Variants in INPP5D observed in about 807,000 individuals in gnomAD.
The protein encoded by INPP5D is inositol polyphosphate-5-phosphatase D.
INPP5D carries 33 observed loss-of-function variants against 122.9 expected under a neutral mutation model. The observed-to-expected ratio is 0.27, with a 90% CI of 0.20 to 0.36. INPP5D has a LOEUF of 0.36. Among genes scored for constraint, INPP5D ranks in the 10% least tolerant of loss-of-function variants. The pLI, the probability that INPP5D is intolerant of heterozygous loss-of-function variation, is 1.00. For synonymous variants in INPP5D, 584 were observed against 576.2 expected, an observed-to-expected ratio of 1.01 and a Z score of -0.19; for missense variants, 1,053 against 1,412.7, an observed-to-expected ratio of 0.75 and a Z score of 4.08.
At chr2:233,086,128 T>TCTTTCTTTCTTTCTTC (rs1691829565) in intron 2 of INPP5D, among the ~76,000 whole-genome samples, 1 of 95,386 alleles carries the variant, frequency 1.0e-5, no homozygotes, top group Admixed American at 1.1e-4. Context: ...CCTCTTTCTT[T>TCTTTCTTTCTTTCTTC]CTTTCTTTCT....
intron 1 of INPP5D, among the ~76,000 whole-genome samples, chr2:233,079,099 C>A (rs1176587270): frequency 6.6e-6 from 1 of 152,056 alleles, no homozygotes; most frequent in Non-Finnish European, 1.5e-5. Flanking sequence ...TAAATGACCC[C>A]CCCCAACCTT....
intron 9 of INPP5D, among the ~76,000 whole-genome samples, chr2:233,152,199 C>T (rs141161975): frequency 0.088 from 13,231 of 151,200 alleles, 837 homozygotes; most frequent in Admixed American, 0.2. Context: ...GTCCTTAGTG[C>T]GGAGTCTGGC....
At chr2:233,201,940 A>G (rs1695351322) in intron 25 of INPP5D, among the ~76,000 whole-genome samples, 2 of 152,170 alleles carry the variant, frequency 1.3e-5, no homozygotes, top group East Asian at 3.9e-4. Flanking sequence ...GGTCAGGGGA[A>G]TAAGACTTAC....
rs1158241194 is a variant in INPP5D, at chr2:233,198,118, G to A, written c.2717G>A (p.Ser906Asn). Residue 906 changes from serine (S) to asparagine (N), a missense_variant, in exon 25 of 27, where the codon AGC becomes AAC. Physicochemically the swap from Ser to Asn is conservative, Grantham distance 46. Transcript: ENST00000445964. ...AGGGCCCCTCCGTGCAGTGGCTCCAGCATCACTGAAATCATCAACCCCAAC... is the reference window on the plus strand; with the variant it reads ...AGGGCCCCTCCGTGCAGTGGCTCCAACATCACTGAAATCATCAACCCCAAC... ...TSRAPPCSGS[S>N]ITEIINPNYM... 1.2e-6 allele frequency: 2 copies of A among 1,610,104 alleles called. No individual in the cohort carries two copies. The highest frequency in any genetic ancestry group is 1.7e-6 in the Non-Finnish European group (2 of 1,177,854).
In INPP5D at chr2:233,147,236, A is replaced by G. The variant is rs150088883; in HGVS notation, c.907-235A>G. Among the ~76,000 whole-genome samples the G allele has an allele frequency of 2.5e-3, 385 of 152,352 alleles. 4 individuals are homozygous for G. Among genetic ancestry groups the G allele is most frequent in the African/African-American group, 8.7e-3 (360 of 41,580 alleles). On this transcript the variant is annotated intron_variant, in intron 8 of 26. Coordinates refer to ENST00000445964, the MANE Select transcript of INPP5D (RefSeq NM_001017915.3). The stretch of plus-strand genomic sequence containing the variant: ...TGTTTCCGCCAGCAAACCTGTTGGC[A>G]GAACGGCTCCCCCACACACAGTGGA...
intron 1 of INPP5D, among the ~76,000 whole-genome samples, chr2:233,068,285 CA>C (rs60089777): frequency 0.66 from 83,329 of 127,062 alleles, 28,683 homozygotes; most frequent in Non-Finnish European, 0.79. Flanking sequence ...AACTCTGTCT[CA>C]AAAAAAAAAA....
At chr2:233,179,318 A>G (rs1327038261) in intron 18 of INPP5D, among the ~76,000 whole-genome samples, 1 of 152,170 alleles carries the variant, frequency 6.6e-6, no homozygotes, top group African/African-American at 2.4e-5. Context: ...AACCCTGTCA[A>G]TACTGTCCTT....
intron 9 of INPP5D, among the ~76,000 whole-genome samples, chr2:233,157,206 A>T (rs1694077523): frequency 6.6e-6 from 1 of 152,214 alleles, no homozygotes; most frequent in African/African-American, 2.4e-5. Context: ...AACCAAGAAG[A>T]GGAAGACCTG....
Position 233,144,062 on chromosome 2 carries a change from TG to T in INPP5D, c.754-2098del, listed in dbSNP as rs1303148215. 8.8e-5 allele frequency among the ~76,000 whole-genome samples: 12 copies of T among 136,522 alleles called. No individual in the cohort carries two copies. In the East Asian group the frequency reaches 1.4e-3, roughly 16 times the overall value. The allele number at this position is 136,522 out of a possible 152,430, so 89.6% of individuals were successfully genotyped here. Reference sequence around the variant, plus strand: ...GTGGTGGTGATGGCGATGGTGGAGGTGGTCATGATCATGGAAAATAATAGGT... The same window carrying T: ...GTGGTGGTGATGGCGATGGTGGAGGTGTCATGATCATGGAAAATAATAGGT... On this transcript the variant is annotated intron_variant, in intron 6 of 26. Transcript: ENST00000445964.
At chr2:233,190,080 G>A (rs1417469432) in intron 22 of INPP5D, 143 bp downstream of exon 22, 17 of 1,331,292 alleles carry the variant, frequency 1.3e-5, no homozygotes, top group East Asian at 5.1e-5. Context: ...TAGTGGGACC[G>A]TCACCACTAA....
intron 20 of INPP5D, 43 bp downstream of exon 20, chr2:233,184,564 G>A (rs371422160): frequency 1.8e-4 from 295 of 1,607,990 alleles, no homozygotes; most frequent in Non-Finnish European, 2.4e-4. Context: ...ACTGCCCGGA[G>A]CCTTCTTATA....
At position 233,189,195 on chromosome 2, in the gene INPP5D, A is replaced by G. The variant is rs1372823570; in HGVS notation, c.2359-655A>G. ...GCCAGGCCAGCAGGGCCTCTGGGGG[A>G]GCTGGCACTCCCCAGCTCTGGAAAC... On this transcript the variant is annotated intron_variant, in intron 21 of 26. Transcript: ENST00000445964. This position sits in a 1 kb window ranked among gnomAD's most constrained non-coding sequence, Gnocchi z 5.6. Among the ~76,000 whole-genome samples the G allele has an allele frequency of 6.6e-6, 1 of 151,936 alleles. No individual in the cohort carries two copies. Among genetic ancestry groups the G allele is most frequent in the Non-Finnish European group, 1.5e-5 (1 of 67,978 alleles).
chr2:233,073,497 G>C (rs948886408), intron 1 of INPP5D, among the ~76,000 whole-genome samples: 1 of 151,888 alleles, frequency 6.6e-6, no homozygotes, highest in African/African-American at 2.4e-5. Context: ...AACATTAGCC[G>C]AACATGGTGG....
At chr2:233,108,764 C>A (rs931646622) in intron 2 of INPP5D, among the ~76,000 whole-genome samples, 1 of 152,184 alleles carries the variant, frequency 6.6e-6, no homozygotes, top group Non-Finnish European at 1.5e-5. Flanking sequence ...CACGGGGCAC[C>A]GTTCCTTCCT....
chr2:233,194,833 A>G (rs1250407391), intron 23 of INPP5D, among the ~76,000 whole-genome samples: 1 of 149,514 alleles, frequency 6.7e-6, no homozygotes, highest in Non-Finnish European at 1.5e-5. Context: ...AGACAGTCTT[A>G]CTCTGTAGCC....
chr2:233,136,892 G>A (rs1693479201), intron 5 of INPP5D, among the ~76,000 whole-genome samples: 1 of 152,232 alleles, frequency 6.6e-6, no homozygotes, highest in Non-Finnish European at 1.5e-5. Context: ...AGTCACTAAA[G>A]AATAGTGTAC....
At chr2:233,066,453 G>A (rs188455549) in intron 1 of INPP5D, among the ~76,000 whole-genome samples, 4 of 152,300 alleles carry the variant, frequency 2.6e-5, no homozygotes, top group Admixed American at 2.6e-4. Flanking sequence ...GGCTCTGCTG[G>A]GCTGCATTTG....
intron 2 of INPP5D, among the ~76,000 whole-genome samples, chr2:233,112,143 T>C (rs891171282): frequency 2.6e-5 from 4 of 152,104 alleles, no homozygotes; most frequent in Non-Finnish European, 5.9e-5. Flanking sequence ...GTATTGACGA[T>C]TCTTGCCTGA....
At chr2:233,081,180 G>A (rs1691679974) in intron 2 of INPP5D, among the ~76,000 whole-genome samples, 3 of 152,220 alleles carry the variant, frequency 2.0e-5, no homozygotes, top group Admixed American at 6.5e-5. Flanking sequence ...TTTGCCATGG[G>A]AATGTCTGTC....
Sources: gnomAD v4.1 joint callset for allele counts (sites outside exome capture counted in the v4.1 genomes callset) on GRCh38, gnomAD v4.1.1 for gene constraint, Gnocchi (gnomAD v3.1) non-coding constraint, MANE v1.5 for transcripts, NCBI Gene and HGNC (gene_info 2026-07-23, HGNC 2026-07-21) for gene names.